The following CDHR2 variants were observed in gnomAD, a reference collection of about 807,000 sequenced individuals.
CDHR2 encodes the protein cadherin related family member 2, also known as cadherin-related family member 2.
In CDHR2, 104 loss-of-function variants were observed where a neutral mutation model predicts 138.6. That is an observed-to-expected ratio of 0.75 (90% CI 0.64 to 0.88). CDHR2 has a LOEUF of 0.88. CDHR2 is among the 40% of genes least tolerant of loss of function. The pLI is 0.00. For synonymous variants in CDHR2, 755 were observed against 742.8 expected (o/e 1.02, Z -0.27); for missense variants, 1,624 against 1,727.6 (o/e 0.94, Z 1.06).
chr5:176,578,222 A>T, intron 15 of CDHR2, 127 bp downstream of exon 15: 1 of 1,221,960 alleles, frequency 8.2e-7, no homozygotes, highest in Non-Finnish European at 1.2e-6. Context: ...ATTTCAGATA[A>T]ACAAGGAATG....
chr5:176,570,309 G>A (rs982033755), intron 5 of CDHR2, among the ~76,000 whole-genome samples: 1 of 152,164 alleles, frequency 6.6e-6, no homozygotes, highest in African/African-American at 2.4e-5. Context: ...CAAAGCGAAC[G>A]TGCACATTCC....
intron 1 of CDHR2, among the ~76,000 whole-genome samples, chr5:176,557,680 A>AT (rs1161503103): frequency 4.1e-5 from 4 of 98,084 alleles, no homozygotes; most frequent in African/African-American, 1.3e-4. Flanking sequence ...TTATCTGTTG[A>AT]TTTTTTTTTC....
At chr5:176,590,542 C>T (rs1758818615) in intron 27 of CDHR2, 21 bp from the exon 28 acceptor site, 1 of 1,613,996 alleles carries the variant, frequency 6.2e-7, no homozygotes, top group Non-Finnish European at 8.5e-7. Context: ...GTGTGCTTCC[C>T]TCACACTCAT....
At position 176,543,383 on chromosome 5, in the gene CDHR2, C is replaced by G. The variant is rs1561860945; in HGVS notation, c.-16+614C>G. 2.0e-5 allele frequency among the ~76,000 whole-genome samples: 3 copies of G among 150,242 alleles called. No individual in the cohort carries two copies. The highest frequency in any genetic ancestry group is 4.9e-5 in the African/African-American group (2 of 41,184). On this transcript the variant is annotated intron_variant, in intron 1 of 31. Transcript: ENST00000510636. This position sits in a 1 kb window ranked among gnomAD's most constrained non-coding sequence, Gnocchi z 4.0. ...GCCGCGGCCCCTCTCCGGCCCGGTG[C>G]AGGGGAACCGTCCGCGGACCTCACC...
intron 31 of CDHR2, among the ~76,000 whole-genome samples, chr5:176,595,172 C>T (rs1008498879): frequency 7.2e-5 from 11 of 152,186 alleles, no homozygotes; most frequent in Admixed American, 3.9e-4. Flanking sequence ...TCAACCCACA[C>T]GGTGCCTGCC....
In CDHR2 at chr5:176,584,226, A is replaced by G. The variant is rs775718126; in HGVS notation, c.2095A>G (p.Ser699Gly). 6.2e-7 allele frequency: 1 copy of G among 1,614,160 alleles called. No homozygotes were observed. Among genetic ancestry groups the G allele is most frequent in the Non-Finnish European group, 8.5e-7 (1 of 1,180,014 alleles). Residue 699 changes from serine to glycine, a missense_variant, in exon 18 of 32, where the codon AGC becomes GGC. Ser to Gly is a moderately conservative substitution (Grantham distance 56). Transcript: ENST00000261944. The stretch of plus-strand genomic sequence containing the variant: ...TAACCTGCCCATCTTCAATCAGTCC[A>G]GCTACAACTTTACGGTGAAGGAGGA... ...NDNLPIFNQS[S>G]YNFTVKEEDP... is the part of the protein sequence containing the mutation.
intron 5 of CDHR2, among the ~76,000 whole-genome samples, chr5:176,570,401 A>C (rs919921349): frequency 2.2e-4 from 34 of 152,314 alleles, no homozygotes; most frequent in African/African-American, 8.2e-4. Context: ...GCTGGAGTGC[A>C]GTGGTGCAAT....
chr5:176,571,682 G>A (rs969835051), intron 6 of CDHR2, among the ~76,000 whole-genome samples: 1 of 152,078 alleles, frequency 6.6e-6, no homozygotes, highest in South Asian at 2.1e-4. Flanking sequence ...GACTACAGGC[G>A]CCCGCCACCT....
chr5:176,564,240 C>T (rs6887016), intron 1 of CDHR2, among the ~76,000 whole-genome samples: 3 of 152,206 alleles, frequency 2.0e-5, no homozygotes, highest in East Asian at 1.9e-4. Context: ...GGCTGGAATG[C>T]GATGGCGTGA....
chr5:176,564,489 T>C (rs1442439899), intron 1 of CDHR2, among the ~76,000 whole-genome samples: 1 of 152,162 alleles, frequency 6.6e-6, no homozygotes, highest in Non-Finnish European at 1.5e-5. Flanking sequence ...CGCCCAGCCT[T>C]GTCTTTGGGC....
In CDHR2 at chr5:176,543,482, G is replaced by C. The variant is rs1158773869; in HGVS notation, c.-16+713G>C. The C allele has an allele frequency of 6.6e-6, 1 of 152,046 alleles. No individual in the cohort carries two copies. Among genetic ancestry groups the C allele is most frequent in the Admixed American group, 6.6e-5 (1 of 15,266 alleles). The allele number at this position is 152,046 out of a possible 1,614,324, so 9.4% of individuals were successfully genotyped here. A position where few individuals can be genotyped will look rare whatever the true frequency, so the allele number is the denominator to read the frequency against. Reference sequence around the variant, plus strand: ...GCCCCGGCCCCGCGCGAATGGAGCTGCCTGGACCGCACCACGCGTGCGGGG... The same window carrying C: ...GCCCCGGCCCCGCGCGAATGGAGCTCCCTGGACCGCACCACGCGTGCGGGG... On this transcript the variant is annotated intron_variant, in intron 1 of 31. Transcript: ENST00000510636. This position sits in a 1 kb window ranked among gnomAD's most constrained non-coding sequence, Gnocchi z 4.0.
intron 30 of CDHR2, 92 bp from the exon 31 acceptor site, chr5:176,592,625 GTGGTGA>G (rs1015009813): frequency 6.6e-6 from 6 of 907,606 alleles, no homozygotes; most frequent in African/African-American, 1.6e-5. Flanking sequence ...GGTGGTAGTC[GTGGTGA>G]TGGTGATGGT....
chr5:176,566,166 C>G (rs563006862), intron 3 of CDHR2, among the ~76,000 whole-genome samples: 34 of 151,920 alleles, frequency 2.2e-4, no homozygotes, highest in Admixed American at 5.9e-4. Context: ...ACTCACTTTG[C>G]TTTGTTTTTA....
intron 1 of CDHR2, among the ~76,000 whole-genome samples, chr5:176,561,987 G>A (rs888247036): frequency 8.5e-5 from 13 of 152,104 alleles, no homozygotes; most frequent in African/African-American, 1.7e-4. Context: ...CCAGCAAGGC[G>A]GGGAAGAGCA....
At chr5:176,581,191 T>C (rs1758520481) in intron 16 of CDHR2, 152 bp from the exon 17 acceptor site, 23 of 990,312 alleles carry the variant, frequency 2.3e-5, no homozygotes, top group Non-Finnish European at 3.3e-5. Context: ...GCCTCTTAGA[T>C]GGGAAACTGG....
intron 1 of CDHR2, among the ~76,000 whole-genome samples, chr5:176,561,823 A>G (rs571789620): frequency 1.2e-4 from 18 of 152,136 alleles, no homozygotes; most frequent in Non-Finnish European, 1.5e-4. Context: ...TATTTTTAGT[A>G]GAGATGGGGT....
In CDHR2 at chr5:176,565,679, C is replaced by T. The variant is rs1172907313; in HGVS notation, c.60C>T (p.Ala20=). 3 of 1,613,772 alleles carry T rather than the reference C, an allele frequency of 1.9e-6. No individual in the cohort carries two copies. The highest frequency in any genetic ancestry group is 4.5e-5 in the East Asian group (2 of 44,848). Residue 20 remains alanine (A), a synonymous_variant, in exon 3 of 32, where the codon GCC becomes GCT. Transcript: ENST00000261944. ...LLPALVVSVA[A]NVAPKFLANM... is the part of the protein sequence containing the mutation. ...CACACTGTGTCCCTACAGTGGCAGC[C>T]AACGTGGCCCCGAAGTTCCTAGCCA...
chr5:176,595,384 C>G lies in CDHR2; in HGVS notation c.3793-148C>G. The G allele has an allele frequency of 4.7e-6, 4 of 845,786 alleles. No homozygotes were observed. In the South Asian group the frequency reaches 8.0e-5, roughly 17 times the overall value. The allele number at this position is 845,786 out of a possible 1,614,324, so 52.4% of individuals were successfully genotyped here. ...AGCCAGGGCCACCTCTGGGACACAGCCTGGACCAGAGGCCCCAGGAGGGGC... is the reference window on the plus strand; with the variant it reads ...AGCCAGGGCCACCTCTGGGACACAGGCTGGACCAGAGGCCCCAGGAGGGGC... On this transcript the variant is annotated intron_variant, in intron 31 of 31. Coordinates refer to ENST00000261944, the MANE Select transcript of CDHR2 (RefSeq NM_017675.6).
In CDHR2 at chr5:176,590,244, C is replaced by G; in HGVS notation, c.3276-9C>G. 1 of 1,614,080 alleles carries G rather than the reference C, an allele frequency of 6.2e-7. No homozygotes were observed. The highest frequency in any genetic ancestry group is 8.5e-7 in the Non-Finnish European group (1 of 1,180,000). On this transcript the variant is annotated splice_polypyrimidine_tract_variant and intron_variant, in intron 25 of 31. Transcript: ENST00000261944. The stretch of plus-strand genomic sequence containing the variant: ...AGGCTCCTGACTCTTCAACTCTGTC[C>G]CGCTCCAGGGCCCGACCTCACTCCT...
Sources: allele counts gnomAD v4.1 joint callset (sites outside exome capture counted in the v4.1 genomes callset), GRCh38; gene constraint gnomAD v4.1.1; non-coding constraint Gnocchi (gnomAD v3.1); transcripts MANE v1.5; gene names NCBI Gene and HGNC (gene_info 2026-07-23, HGNC 2026-07-21).